Variants in TMPRSS15 observed in about 807,000 individuals in gnomAD.
The protein encoded by TMPRSS15 is enteropeptidase.
In TMPRSS15, 128 loss-of-function variants were observed where a neutral mutation model predicts 125.3. That is an observed-to-expected ratio of 1.02 (90% CI 0.89 to 1.18). The LOEUF is 1.18. TMPRSS15 is among the 50% of genes most tolerant of loss of function. TMPRSS15 has a pLI of 0.00. For synonymous variants in TMPRSS15, 446 were observed against 423.2 expected, an observed-to-expected ratio of 1.05 and a Z score of -0.66; for missense variants, 1,283 against 1,212.7, an observed-to-expected ratio of 1.06 and a Z score of -0.86.
intron 4 of TMPRSS15, among the ~76,000 whole-genome samples, chr21:18,382,835 T>C (rs1021309207): frequency 1.3e-5 from 2 of 152,196 alleles, no homozygotes; most frequent in African/African-American, 2.4e-5. Context: ...TGAATTGAAT[T>C]GAATGAAGGA....
chr21:18,441,625 GAAAGA>G (rs993254846), intron 1 of TMPRSS15, among the ~76,000 whole-genome samples: 1 of 138,044 alleles, frequency 7.2e-6, no homozygotes, highest in Non-Finnish European at 1.5e-5. Context: ...AAAAAAAAAA[GAAAGA>G]AAAGAAAAGA....
chr21:18,317,724 A>C (rs2075182293), intron 16 of TMPRSS15, among the ~76,000 whole-genome samples: 1 of 151,862 alleles, frequency 6.6e-6, no homozygotes, highest in South Asian at 2.1e-4. Flanking sequence ...GTGTAACTAA[A>C]TTAAAATTTG....
intron 10 of TMPRSS15, among the ~76,000 whole-genome samples, chr21:18,347,926 A>C (rs2146997817): frequency 6.6e-6 from 1 of 152,326 alleles, no homozygotes; most frequent in Admixed American, 6.5e-5. Flanking sequence ...ATTTAAAAAA[A>C]GAGGCCACCT....
intron 22 of TMPRSS15, among the ~76,000 whole-genome samples, 197 bp from the exon 23 acceptor site, chr21:18,279,256 T>C (rs768966526): frequency 8.2e-5 from 12 of 145,572 alleles, no homozygotes; most frequent in African/African-American, 2.0e-4. Flanking sequence ...TTTTTGACAA[T>C]AGATCGGCTA....
rs149977840 is a variant in TMPRSS15 at position 18,369,652 on chromosome 21, AAG to A, written c.664+2539_664+2540del. 6.5e-3 allele frequency among the ~76,000 whole-genome samples: 975 copies of A among 151,120 alleles called. 9 individuals are homozygous for A. Among genetic ancestry groups the A allele is most frequent in the African/African-American group, 0.022 (920 of 41,262 alleles). On this transcript the variant is annotated intron_variant, in intron 6 of 24. Coordinates refer to ENST00000284885, the MANE Select transcript of TMPRSS15 (RefSeq NM_002772.3). ...GGAGCAAAAAAATAAATAAATCAATAAGAGAGAGAGAGAGAGTAAAGGTAAAC... is the reference window on the plus strand; with the variant it reads ...GGAGCAAAAAAATAAATAAATCAATAAGAGAGAGAGAGAGTAAAGGTAAAC...
At chr21:18,330,911 A>C (rs894673602) in intron 14 of TMPRSS15, among the ~76,000 whole-genome samples, 1 of 151,958 alleles carries the variant, frequency 6.6e-6, no homozygotes, top group African/African-American at 2.4e-5. Flanking sequence ...TCTCTACTAA[A>C]AATACAAAAA....
intron 21 of TMPRSS15, among the ~76,000 whole-genome samples, chr21:18,287,142 C>A (rs1395290714): frequency 6.6e-6 from 1 of 152,148 alleles, no homozygotes; most frequent in Non-Finnish European, 1.5e-5. Context: ...GTCATATAAA[C>A]CTTATCAGAG....
chr21:18,336,790 G>C (rs933237495), intron 13 of TMPRSS15, among the ~76,000 whole-genome samples: 4 of 152,130 alleles, frequency 2.6e-5, no homozygotes, highest in African/African-American at 9.7e-5. Flanking sequence ...CCTGCCTCAG[G>C]CTTCCGAGTA....
chr21:18,341,662 C>T, intron 12 of TMPRSS15, 114 bp from the exon 13 acceptor site: 2 of 1,164,634 alleles, frequency 1.7e-6, no homozygotes, highest in South Asian at 1.2e-5. Flanking sequence ...ATATTGTCAC[C>T]TTGAACTATA....
chr21:18,405,518 T>G (rs2076145777), upstream of TMPRSS15, among the ~76,000 whole-genome samples: 2 of 152,132 alleles, frequency 1.3e-5, no homozygotes, highest in Non-Finnish European at 2.9e-5. Context: ...TACAAAGCTG[T>G]GATATAAAGA....
At chr21:18,308,487 C>T (rs1259716852) in intron 18 of TMPRSS15, among the ~76,000 whole-genome samples, 1 of 151,378 alleles carries the variant, frequency 6.6e-6, no homozygotes, top group Admixed American at 6.6e-5. Context: ...AAAATATGCT[C>T]AATAAAAGTA....
intron 6 of TMPRSS15, among the ~76,000 whole-genome samples, chr21:18,365,560 TTCTTTCTCTC>T (rs1184851540): frequency 3.5e-5 from 4 of 113,850 alleles, no homozygotes; most frequent in Admixed American, 8.7e-5. Flanking sequence ...TTTTCTCTCT[TTCTTTCTCTC>T]TCTTTCTCTC....
chr21:18,322,092 G>A lies in TMPRSS15; in HGVS notation c.1921+4340C>T, dbSNP rs370204192. On this transcript the variant is annotated intron_variant, in intron 16 of 24. Coordinates refer to ENST00000284885, the MANE Select transcript of TMPRSS15 (RefSeq NM_002772.3). ...ACACCATAAAATTGGTGTCTTTTGC[G>A]TTGAGAGAAATACATTGTACTCTGT... Among the ~76,000 whole-genome samples the A allele has an allele frequency of 3.7e-4, 56 of 152,274 alleles. No individual in the cohort carries two copies. In the East Asian group the frequency reaches 3.9e-3, roughly 11 times the overall value.
intron 23 of TMPRSS15, among the ~76,000 whole-genome samples, chr21:18,278,635 T>C (rs1291500726): frequency 1.3e-5 from 2 of 151,976 alleles, no homozygotes; most frequent in East Asian, 1.9e-4. Context: ...GACAGGAGAA[T>C]GGCGTGAACC....
intron 21 of TMPRSS15, among the ~76,000 whole-genome samples, chr21:18,282,766 A>G (rs1047364200): frequency 2.0e-5 from 3 of 152,148 alleles, no homozygotes; most frequent in African/African-American, 7.2e-5. Context: ...CTAGGCGCTG[A>G]TTATCTAAAT....
rs1358189861 is a variant in TMPRSS15, at chr21:18,288,788, G to A, written c.2486+5482C>T. Among the ~76,000 whole-genome samples, 8 of 151,476 alleles carry A rather than the reference G, an allele frequency of 5.3e-5. No individual in the cohort carries two copies. In the East Asian group the frequency reaches 1.4e-3, roughly 26 times the overall value. ...AAACTCCCGAGCTCAGGCCCGCCTC[G>A]GCCTCCCAAAGTGCTAGGATTACAG... is the stretch of plus-strand genomic sequence containing the variant. On this transcript the variant is annotated intron_variant, in intron 21 of 24. Coordinates refer to ENST00000284885, the MANE Select transcript of TMPRSS15 (RefSeq NM_002772.3).
intron 10 of TMPRSS15, among the ~76,000 whole-genome samples, chr21:18,344,906 A>T (rs2075488874): frequency 6.6e-6 from 1 of 152,224 alleles, no homozygotes; most frequent in East Asian, 1.9e-4. Context: ...TTATGAGATG[A>T]TGAAATTTAG....
At chr21:18,316,757 G>A (rs2075171621) in intron 16 of TMPRSS15, among the ~76,000 whole-genome samples, 1 of 152,200 alleles carries the variant, frequency 6.6e-6, no homozygotes, top group Non-Finnish European at 1.5e-5. Flanking sequence ...TGTTTCCTGA[G>A]ATTGTTCGGT....
chr21:18,473,642 A>G (rs1043614238), intron 1 of TMPRSS15, among the ~76,000 whole-genome samples: 2 of 152,140 alleles, frequency 1.3e-5, no homozygotes, highest in African/African-American at 2.4e-5. Flanking sequence ...GGATTCTTAT[A>G]GCAGCTCTAG....
Sources: gnomAD v4.1 joint callset for allele counts (sites outside exome capture counted in the v4.1 genomes callset) on GRCh38, gnomAD v4.1.1 for gene constraint, MANE v1.5 for transcripts, NCBI Gene and HGNC (gene_info 2026-07-23, HGNC 2026-07-21) for gene names.